Variants in LAMP2 observed in about 807,000 individuals in gnomAD.
LAMP2 encodes lysosome associated membrane protein 2, also known as lysosome-associated membrane glycoprotein 2.
A neutral mutation model predicts 25.6 loss-of-function variants in LAMP2; 4 were observed. That is an observed-to-expected ratio of 0.16 (90% CI 0.08 to 0.36). The LOEUF is 0.36. Among genes scored for constraint, LAMP2 ranks in the 10% least tolerant of loss-of-function variants. LAMP2 has a pLI of 1.00. For synonymous variants in LAMP2, 108 were observed against 112.7 expected (o/e 0.96, Z 0.27); for missense variants, 272 against 301.4 (o/e 0.90, Z 0.72).
At chrX:120,452,713 CTT>C (rs768340777) in intron 3 of LAMP2, among the ~76,000 whole-genome samples, 1,453 of 67,626 alleles carry the variant, frequency 0.021, 35 homozygotes, top group African/African-American at 0.081. Context: ...CCACACCTGG[CTT>C]TTTTTTTTTT....
At chrX:120,464,910 C>T in intron 1 of LAMP2, among the ~76,000 whole-genome samples, 1 of 111,020 alleles carries the variant, frequency 9.0e-6, no homozygotes, top group Middle Eastern at 4.6e-3. Flanking sequence ...GGCCACCATG[C>T]CCTTGTATTT....
chrX:120,464,604 C>A (rs1246931418), intron 1 of LAMP2, among the ~76,000 whole-genome samples: 1 of 111,903 alleles, frequency 8.9e-6, no homozygotes, highest in Non-Finnish European at 1.9e-5. Flanking sequence ...TGGCCTCCTG[C>A]CAACACCCAG....
chrX:120,442,708 T>C (rs369717697), intron 6 of LAMP2, 46 bp from the exon 7 acceptor site: 38 of 980,558 alleles, frequency 3.9e-5, no homozygotes, highest in Non-Finnish European at 5.2e-5. Context: ...CACAACTGTC[T>C]ACAGATAACA....
intron 2 of LAMP2, 40 bp from the exon 3 acceptor site, chrX:120,455,610 C>G: frequency 1.0e-6 from 1 of 1,003,145 alleles, no homozygotes; most frequent in Non-Finnish European, 1.4e-6. Flanking sequence ...AACAAACAGG[C>G]AGCAAGGAAC....
intron 1 of LAMP2, among the ~76,000 whole-genome samples, chrX:120,466,840 CT>C (rs916102893): frequency 9.2e-4 from 75 of 81,490 alleles, no homozygotes; most frequent in East Asian, 1.8e-3. Context: ...CAAATAACTT[CT>C]TTTTTTTTTT....
rs1202532149 is a variant in LAMP2, at chrX:120,439,269, T to C, written c.1093+2461A>G. 1.7e-6 allele frequency: 2 copies of C among 1,209,732 alleles called. No individual in the cohort carries two copies. Among genetic ancestry groups the C allele is most frequent in the Admixed American group, 4.3e-5 (2 of 45,982 alleles). ...AACTATAATTGGGATTAGAATGGTG[T>C]CATCATCCAGCGAACACTCTTGGGC... On this transcript the variant is annotated intron_variant, in intron 8 of 8. Transcript: ENST00000200639.
In LAMP2 at chrX:120,428,689, A is replaced by G. The variant is rs888341351; in HGVS notation, c.*2634T>C. On this transcript the variant is annotated 3_prime_UTR_variant, in exon 9 of 9. Coordinates refer to ENST00000200639, the MANE Select transcript of LAMP2 (RefSeq NM_002294.3). ...GCAAAGAATGCAATTAAGTAGTAAA[A>G]AGCATGCAAGAAACATGCATTTTGA... The G allele has an allele frequency of 3.6e-6, 4 of 1,112,339 alleles. No homozygotes were observed. The East Asian group carries it at 1.4e-4, about 40-fold the overall frequency. The allele number at this position is 1,112,339 out of a possible 1,213,427, so 91.7% of individuals were successfully genotyped here.
At chrX:120,458,475 A>G (rs1019053127) in intron 1 of LAMP2, among the ~76,000 whole-genome samples, 1 of 111,654 alleles carries the variant, frequency 9.0e-6, no homozygotes, top group Non-Finnish European at 1.9e-5. Flanking sequence ...ATTAAATTCA[A>G]GATAGTATAC....
At chrX:120,468,306 G>A (rs1178798615) in intron 1 of LAMP2, among the ~76,000 whole-genome samples, 2 of 110,910 alleles carry the variant, frequency 1.8e-5, no homozygotes, top group South Asian at 3.8e-4. Context: ...CTGGCTGGGA[G>A]GAAGTAGCAA....
Position 120,446,383 on chromosome X carries a change from T to C in LAMP2, c.786A>G (p.Thr262=), listed in dbSNP as rs1272778297. Residue 262 remains threonine (T), a synonymous_variant, in exon 6 of 9, where the codon ACA becomes ACG. Transcript: ENST00000200639. ...ININPNTTHS[T]GSCRSHTALL... ...GAGCAGTGTGAGAACGGCAGCTGCC[T>C]GTGGAGTGAGTTGTATTGGGGTTGA... The C allele has an allele frequency of 8.3e-7, 1 of 1,206,451 alleles. No individual in the cohort carries two copies. The highest frequency in any genetic ancestry group is 1.1e-6 in the Non-Finnish European group (1 of 890,802).
intron 8 of LAMP2, among the ~76,000 whole-genome samples, chrX:120,432,239 GGA>G (rs2147273589): frequency 9.0e-6 from 1 of 110,958 alleles, no homozygotes; most frequent in East Asian, 2.8e-4. Context: ...ACAAAAATAT[GGA>G]GAGTAAAAAG....
In LAMP2 at chrX:120,428,589, A is replaced by G. The variant is rs759814013; in HGVS notation, c.*2734T>C. 8.3e-7 allele frequency: 1 copy of G among 1,199,312 alleles called. No individual in the cohort carries two copies. The highest frequency in any genetic ancestry group is 1.8e-5 in the South Asian group (1 of 54,227). On this transcript the variant is annotated 3_prime_UTR_variant, in exon 9 of 9. Transcript: ENST00000200639. ...AGGCCACACCCACTGCAACAGGAATAAGAAAGTTGAGGTCAGAGTCAGCAG... is the reference window on the plus strand; with the variant it reads ...AGGCCACACCCACTGCAACAGGAATGAGAAAGTTGAGGTCAGAGTCAGCAG...
intron 1 of LAMP2, among the ~76,000 whole-genome samples, chrX:120,459,050 C>T (rs918181890): frequency 1.8e-5 from 2 of 111,633 alleles, no homozygotes; most frequent in African/African-American, 6.5e-5. Flanking sequence ...AATCTTGTCC[C>T]ATCCTATTCC....
chrX:120,434,954 C>T (rs1187556167), intron 8 of LAMP2, among the ~76,000 whole-genome samples: 8 of 111,394 alleles, frequency 7.2e-5, no homozygotes, highest in Non-Finnish European at 1.5e-4. Flanking sequence ...CATGGCAAAA[C>T]CCCATCTCTA....
chrX:120,437,681 C>T, intron 8 of LAMP2: 1 of 748,990 alleles, frequency 1.3e-6, no homozygotes, highest in Non-Finnish European at 1.6e-6. Context: ...ATGATTCTAC[C>T]ATAATGAATA....
chrX:120,439,988 T>G (rs1460127797), intron 8 of LAMP2, among the ~76,000 whole-genome samples: 1 of 111,557 alleles, frequency 9.0e-6, no homozygotes, highest in African/African-American at 3.3e-5. Flanking sequence ...GGCCTTTACA[T>G]TTTTAAATGG....
At chrX:120,436,733 G>C in intron 8 of LAMP2, 1 of 725,081 alleles carries the variant, frequency 1.4e-6, no homozygotes, top group Non-Finnish European at 1.6e-6. Flanking sequence ...ACTACAAAAG[G>C]TACAAAGAAC....
rs1046964683 is a variant in LAMP2, at chrX:120,428,210, G to A, written c.*3113C>T. The A allele has an allele frequency of 3.8e-5, 8 of 208,581 alleles. No individual in the cohort carries two copies. Among genetic ancestry groups the A allele is most frequent in the Admixed American group, 7.4e-5 (1 of 13,518 alleles). The allele number at this position is 208,581 out of a possible 1,213,427, so 17.2% of individuals were successfully genotyped here. A position where few individuals can be genotyped will look rare whatever the true frequency, so the allele number is the denominator to read the frequency against. On this transcript the variant is annotated 3_prime_UTR_variant, in exon 9 of 9. Transcript: ENST00000200639. ...CATCAGCAAAAATGCTTTCATAATT[G>A]GATCCAGGGGCTTAAAATCATTATT...
Position 120,428,752 on chromosome X carries a change from A to G in LAMP2, c.*2571T>C, listed in dbSNP as rs772262558. On this transcript the variant is annotated 3_prime_UTR_variant, in exon 9 of 9. Coordinates refer to ENST00000200639, the MANE Select transcript of LAMP2 (RefSeq NM_002294.3). ...CTTAGTTTTTTATAGCATTACCTCT[A>G]TTTTCTTATTTGCTCAATATCTCAT... The G allele has an allele frequency of 3.7e-5, 39 of 1,050,659 alleles. No individual in the cohort carries two copies. Among genetic ancestry groups the G allele is most frequent in the Non-Finnish European group, 3.9e-5 (32 of 819,915 alleles). 86.6% of individuals were successfully genotyped at this position (1,050,659 alleles called of 1,213,427 possible). A position where few individuals can be genotyped will look rare whatever the true frequency, so the allele number is the denominator to read the frequency against.
Sources: allele counts gnomAD v4.1 joint callset (sites outside exome capture counted in the v4.1 genomes callset), GRCh38; gene constraint gnomAD v4.1.1; transcripts MANE v1.5; gene names NCBI Gene and HGNC (gene_info 2026-07-23, HGNC 2026-07-21).